CPNE4: variants seen among roughly 807,000 people sequenced by gnomAD.
CPNE4 encodes the protein copine-4.
In CPNE4, 25 loss-of-function variants were observed where a neutral mutation model predicts 67.9. That is an observed-to-expected ratio of 0.37 (90% CI 0.27 to 0.51). The LOEUF (loss-of-function observed/expected upper bound fraction) is 0.51. Ranked by LOEUF, CPNE4 falls within the 20% of genes least tolerant of loss-of-function variation. CPNE4 has a pLI of 0.93. For missense variants in CPNE4, 464 were observed against 690.8 expected, an observed-to-expected ratio of 0.67 and a Z score of 3.68; for synonymous variants, 242 against 244.9, an observed-to-expected ratio of 0.99 and a Z score of 0.11.
chr3:131,903,683 T>C (rs1370752470), intron 2 of CPNE4, among the ~76,000 whole-genome samples: 1 of 152,126 alleles, frequency 6.6e-6, no homozygotes, highest in African/African-American at 2.4e-5. Flanking sequence ...TTTCCTTGCC[T>C]GTAAAATGGG....
intron 7 of CPNE4, among the ~76,000 whole-genome samples, chr3:131,628,398 G>A (rs1166176993): frequency 2.6e-5 from 4 of 152,158 alleles, no homozygotes; most frequent in Non-Finnish European, 4.4e-5. Flanking sequence ...AGCAGAAACC[G>A]CTGATAAGCC....
intron 1 of CPNE4, among the ~76,000 whole-genome samples, chr3:131,942,286 C>T (rs2071410887): frequency 6.6e-6 from 1 of 151,834 alleles, no homozygotes; most frequent in African/African-American, 2.4e-5. Context: ...AAGCATACTA[C>T]CTAACTATAA....
chr3:131,786,739 T>A (rs532053435), intron 2 of CPNE4, among the ~76,000 whole-genome samples: 1 of 152,180 alleles, frequency 6.6e-6, no homozygotes, highest in East Asian at 1.9e-4. Flanking sequence ...GTACAAATAA[T>A]GTACAATATG....
At chr3:131,544,968 T>C (rs1935746520) in intron 14 of CPNE4, among the ~76,000 whole-genome samples, 1 of 152,226 alleles carries the variant, frequency 6.6e-6, no homozygotes, top group African/African-American at 2.4e-5. Flanking sequence ...ATAGTCATAC[T>C]ACCACATTGA....
chr3:131,557,502 A>G (rs77385404), intron 11 of CPNE4, among the ~76,000 whole-genome samples: 1 of 152,180 alleles, frequency 6.6e-6, no homozygotes, highest in East Asian at 1.9e-4. Context: ...AGCCAATTGT[A>G]TCAAATTTGG....
chr3:131,785,671 T>TTCTCTCTTTC (rs1420982427), intron 2 of CPNE4, among the ~76,000 whole-genome samples: 1,727 of 142,770 alleles, frequency 0.012, 40 homozygotes, highest in African/African-American at 0.043. Flanking sequence ...CTTTCTCTCT[T>TTCTCTCTTTC]TCTCTCTCTC....
intron 1 of CPNE4, among the ~76,000 whole-genome samples, chr3:131,957,155 C>T (rs1022694671): frequency 9.2e-5 from 14 of 152,154 alleles, no homozygotes; most frequent in Admixed American, 9.2e-4. Flanking sequence ...GACGTCTATT[C>T]TGTTATCATA....
chr3:132,027,507 C>A (rs1175199787), intron 1 of CPNE4, among the ~76,000 whole-genome samples: 1 of 84,946 alleles, frequency 1.2e-5, no homozygotes, highest in African/African-American at 4.6e-5. Flanking sequence ...TTCCTCTTAT[C>A]GTGCCTTTTC....
chr3:131,684,372 CT>C (rs2080833931), intron 6 of CPNE4, among the ~76,000 whole-genome samples: 1 of 152,170 alleles, frequency 6.6e-6, no homozygotes, highest in Non-Finnish European at 1.5e-5. Flanking sequence ...TCAATTTATT[CT>C]TCATGGATTA....
intron 1 of CPNE4, among the ~76,000 whole-genome samples, chr3:131,979,610 G>A (rs1486975762): frequency 2.6e-5 from 4 of 152,172 alleles, no homozygotes; most frequent in African/African-American, 9.7e-5. Context: ...GCAGCAGATG[G>A]TTGGTTCGTG....
intron 2 of CPNE4, among the ~76,000 whole-genome samples, chr3:131,844,655 A>C (rs1168010616): frequency 6.6e-6 from 1 of 152,184 alleles, no homozygotes; most frequent in Non-Finnish European, 1.5e-5. Context: ...TATTGTAATA[A>C]TTATTAACAT....
At chr3:131,944,310 C>T (rs906492755) in intron 1 of CPNE4, among the ~76,000 whole-genome samples, 1 of 151,822 alleles carries the variant, frequency 6.6e-6, no homozygotes, top group Non-Finnish European at 1.5e-5. Context: ...TGACAAATGA[C>T]TTCATGGTGT....
intron 2 of CPNE4, among the ~76,000 whole-genome samples, chr3:131,859,435 C>T (rs2107663168): frequency 6.6e-6 from 1 of 152,252 alleles, no homozygotes; most frequent in East Asian, 1.9e-4. Context: ...TTTTGCAACC[C>T]AATCTAGCCT....
chr3:131,958,716 T>A (rs2072064746), intron 1 of CPNE4, among the ~76,000 whole-genome samples: 1 of 145,802 alleles, frequency 6.9e-6, no homozygotes, highest in Admixed American at 6.9e-5. Flanking sequence ...CCTCCACCTG[T>A]CAGGCGATCT....
chr3:131,898,337 C>T (rs930610178), intron 2 of CPNE4, among the ~76,000 whole-genome samples: 1 of 152,010 alleles, frequency 6.6e-6, no homozygotes, highest in African/African-American at 2.4e-5. Flanking sequence ...TGCTGGGGAC[C>T]AATGCTCCAC....
intron 1 of CPNE4, 95 bp downstream of exon 1, chr3:132,034,472 A>G: frequency 4.8e-6 from 2 of 415,544 alleles, no homozygotes; most frequent in Non-Finnish European, 6.5e-6. Context: ...GAACCAGTGC[A>G]TCTCAAAAGT....
At chr3:131,561,002 A>G (rs779252316) in intron 11 of CPNE4, among the ~76,000 whole-genome samples, 1 of 152,086 alleles carries the variant, frequency 6.6e-6, no homozygotes, top group Non-Finnish European at 1.5e-5. Flanking sequence ...ACACTTGAAA[A>G]TACCTGTCAG....
chr3:131,645,336 G>A (rs184936077), intron 7 of CPNE4, among the ~76,000 whole-genome samples: 3 of 152,164 alleles, frequency 2.0e-5, no homozygotes, highest in South Asian at 4.2e-4. Context: ...GGAGGGGCTG[G>A]TGCCTCAGAG....
At chr3:131,823,810 C>T (rs2085050887) in intron 2 of CPNE4, among the ~76,000 whole-genome samples, 1 of 152,124 alleles carries the variant, frequency 6.6e-6, no homozygotes, top group Admixed American at 6.6e-5. Flanking sequence ...GTGTAGCAAG[C>T]CAGATGTTTC....
Sources: gnomAD v4.1 joint callset for allele counts (sites outside exome capture counted in the v4.1 genomes callset) on GRCh38, gnomAD v4.1.1 for gene constraint, MANE v1.5 for transcripts, NCBI Gene and HGNC (gene_info 2026-07-23, HGNC 2026-07-21) for gene names.